The following SEM1 variants were observed in gnomAD, a reference collection of about 807,000 sequenced individuals.
SEM1 encodes SEM1 26S proteasome subunit.
Under a neutral mutation model 12.7 loss-of-function variants are expected in SEM1, and 3 were observed. The ratio of observed to expected loss-of-function variants is 0.24; its 90% CI spans 0.11 to 0.61. The LOEUF is 0.61. Ranked by LOEUF, SEM1 falls within the 20% of genes least tolerant of loss-of-function variation. The pLI, the probability that SEM1 is intolerant of heterozygous loss-of-function variation, is 0.88. For synonymous variants in SEM1, 30 were observed against 27.8 expected, an observed-to-expected ratio of 1.08 and a Z score of -0.25; for missense variants, 59 against 81.3, an observed-to-expected ratio of 0.73 and a Z score of 1.06.
intron 2 of SEM1, among the ~76,000 whole-genome samples, chr7:96,511,364 T>C (rs1176158276): frequency 6.6e-6 from 1 of 152,014 alleles, no homozygotes; most frequent in Non-Finnish European, 1.5e-5. Flanking sequence ...TTAAGAGAGG[T>C]ATACAATTTA....
At chr7:96,538,967 T>C (rs1804871231) in intron 2 of SEM1, among the ~76,000 whole-genome samples, 1 of 151,896 alleles carries the variant, frequency 6.6e-6, no homozygotes, top group South Asian at 2.1e-4. Context: ...CTATGGTTGC[T>C]ATAAATAAAA....
chr7:96,690,385 T>G (rs1789892533), intron 2 of SEM1, among the ~76,000 whole-genome samples: 1 of 152,140 alleles, frequency 6.6e-6, no homozygotes, highest in Admixed American at 6.6e-5. Context: ...ATAAATTGTT[T>G]ACAATCACAA....
intron 2 of SEM1, among the ~76,000 whole-genome samples, chr7:96,551,439 C>G (rs1042655692): frequency 6.6e-6 from 1 of 152,110 alleles, no homozygotes; most frequent in African/African-American, 2.4e-5. Context: ...GTGGCTCATA[C>G]TTGTAATCCC....
At chr7:96,559,795 A>G (rs1209461672) in intron 2 of SEM1, among the ~76,000 whole-genome samples, 2 of 152,208 alleles carry the variant, frequency 1.3e-5, no homozygotes, top group African/African-American at 4.8e-5. Context: ...AGCTCTGGCC[A>G]ATTAGCTCTA....
At chr7:96,608,264 A>G (rs1807443769) in intron 2 of SEM1, among the ~76,000 whole-genome samples, 1 of 152,088 alleles carries the variant, frequency 6.6e-6, no homozygotes, top group Non-Finnish European at 1.5e-5. Context: ...TTTTGTTAGT[A>G]CCCCACCAGG....
intron 2 of SEM1, among the ~76,000 whole-genome samples, chr7:96,625,936 T>A (rs557272115): frequency 6.6e-6 from 1 of 152,292 alleles, no homozygotes; most frequent in African/African-American, 2.4e-5. Context: ...GATGTTTTGA[T>A]ATAGGCATAA....
intron 2 of SEM1, among the ~76,000 whole-genome samples, chr7:96,525,306 A>C: frequency 6.6e-6 from 1 of 150,788 alleles, no homozygotes. Context: ...CCTGCACCAG[A>C]CCTAAAGAAT....
At chr7:96,704,200 G>A (rs1790372075) in intron 1 of SEM1, among the ~76,000 whole-genome samples, 1 of 151,772 alleles carries the variant, frequency 6.6e-6, no homozygotes, top group Non-Finnish European at 1.5e-5. Flanking sequence ...TTCTGTGTAT[G>A]TATTTAAAGG....
intron 3 of SEM1, among the ~76,000 whole-genome samples, chr7:96,501,577 G>A (rs1803549825): frequency 6.6e-6 from 1 of 152,048 alleles, no homozygotes; most frequent in Non-Finnish European, 1.5e-5. Context: ...ATCCAAATGT[G>A]GTGGACTTCA....
intron 1 of SEM1, among the ~76,000 whole-genome samples, chr7:96,704,010 CAT>C (rs1554437205): frequency 3.6e-4 from 52 of 143,832 alleles, no homozygotes; most frequent in African/African-American, 7.9e-4. Flanking sequence ...CACACACACA[CAT>C]ACATAAAAGA....
intron 2 of SEM1, among the ~76,000 whole-genome samples, chr7:96,611,223 C>T (rs897252740): frequency 2.6e-5 from 4 of 152,190 alleles, no homozygotes; most frequent in African/African-American, 7.2e-5. Context: ...TCTCATCACT[C>T]TTTCAGAGAT....
downstream of SEM1, among the ~76,000 whole-genome samples, chr7:96,618,647 C>T (rs1314925949): frequency 2.0e-5 from 3 of 151,992 alleles, no homozygotes; most frequent in Non-Finnish European, 4.4e-5. Flanking sequence ...TTCTGACATT[C>T]TTTCTTCTGC....
chr7:96,684,463 C>A (rs770482200), downstream of SEM1, among the ~76,000 whole-genome samples: 22 of 150,964 alleles, frequency 1.5e-4, no homozygotes, highest in Admixed American at 4.0e-4. Flanking sequence ...GATATCTAAC[C>A]GTTTGGGGGG....
chr7:96,631,885 T>C (rs1808273147), intron 2 of SEM1, among the ~76,000 whole-genome samples: 1 of 152,104 alleles, frequency 6.6e-6, no homozygotes, highest in Admixed American at 6.5e-5. Flanking sequence ...CCATCAAAAG[T>C]GGGTGAATGA....
intron 2 of SEM1, among the ~76,000 whole-genome samples, chr7:96,511,481 T>A (rs1212884607): frequency 6.6e-6 from 1 of 152,044 alleles, no homozygotes; most frequent in Admixed American, 6.6e-5. Flanking sequence ...TGCTAGCATG[T>A]CCAATAAGGA....
Position 96,594,914 on chromosome 7 carries a change from AAGG to A in SEM1, c.171-88219_171-88217del, listed in dbSNP as rs759990841. Among the ~76,000 whole-genome samples the A allele has an allele frequency of 1.1e-4, 17 of 152,296 alleles. No individual in the cohort carries two copies. The East Asian group carries it at 2.9e-3, about 26-fold the overall frequency. On this transcript the variant is annotated intron_variant and NMD_transcript_variant, in intron 2 of 3. Transcript: ENST00000466986. The stretch of plus-strand genomic sequence containing the variant: ...CAAAAGAATTTTCAGATTAAAACAA[AAGG>A]AGTAGTTTATTAAGAAAGATATATT...
At chr7:96,649,949 T>C (rs1038100616) in intron 2 of SEM1, 1 of 152,248 alleles carries the variant, frequency 6.6e-6, no homozygotes, top group African/African-American at 2.4e-5. Flanking sequence ...TTCTTCCCAC[T>C]CTCCATCTGA....
chr7:96,564,673 T>C (rs1234400763), intron 2 of SEM1, among the ~76,000 whole-genome samples: 1 of 152,002 alleles, frequency 6.6e-6, no homozygotes, highest in African/African-American at 2.4e-5. Flanking sequence ...ATTTCCTAAG[T>C]ACTTTATGTA....
chr7:96,603,645 C>T (rs1475985052), intron 2 of SEM1, among the ~76,000 whole-genome samples: 2 of 152,072 alleles, frequency 1.3e-5, no homozygotes, highest in Admixed American at 6.6e-5. Context: ...GTTTGCTATT[C>T]CCGTCTTTCT....
Sources: gnomAD v4.1 joint callset for allele counts (sites outside exome capture counted in the v4.1 genomes callset) on GRCh38, gnomAD v4.1.1 for gene constraint, MANE v1.5 for transcripts, NCBI Gene and HGNC (gene_info 2026-07-23, HGNC 2026-07-21) for gene names.